Variants in SLC30A6 observed in about 807,000 individuals in gnomAD.
SLC30A6 encodes the protein solute carrier family 30 member 6, also known as zinc transporter 6.
Under a neutral mutation model 63.0 loss-of-function variants are expected in SLC30A6, and 55 were observed. The ratio of observed to expected loss-of-function variants is 0.87; its 90% CI spans 0.70 to 1.09. The LOEUF (loss-of-function observed/expected upper bound fraction) is 1.09, where lower values mean the gene tolerates loss of function less well. Among genes scored for constraint, SLC30A6 ranks in the 50% least tolerant of loss-of-function variants. The pLI is 0.00. For synonymous variants in SLC30A6, 224 were observed against 186.1 expected (o/e 1.20, Z -1.66); for missense variants, 587 against 549.2 (o/e 1.07, Z -0.69).
At chr2:32,180,734 A>G (rs1016667447) in intron 4 of SLC30A6, among the ~76,000 whole-genome samples, 7 of 152,362 alleles carry the variant, frequency 4.6e-5, no homozygotes, top group African/African-American at 1.4e-4. Context: ...CGCTCAGCCC[A>G]TGCATGTACT....
intron 12 of SLC30A6, among the ~76,000 whole-genome samples, chr2:32,208,023 G>A (rs1684931313): frequency 6.6e-6 from 1 of 150,512 alleles, no homozygotes; most frequent in South Asian, 2.1e-4. Context: ...TAGTAGAGAC[G>A]GGGTTTCACC....
At chr2:32,211,190 C>T (rs1326026854) in intron 13 of SLC30A6, among the ~76,000 whole-genome samples, 1 of 152,196 alleles carries the variant, frequency 6.6e-6, no homozygotes, top group Non-Finnish European at 1.5e-5. Flanking sequence ...TGGCTCATTG[C>T]CTGGCCTTCA....
At chr2:32,204,093 T>C in intron 10 of SLC30A6, 1 of 486,302 alleles carries the variant, frequency 2.1e-6, no homozygotes, top group Non-Finnish European at 3.7e-6. Flanking sequence ...AGTTGAGGTA[T>C]GTGTCTGCTA....
At chr2:32,219,534 A>T (rs1685986246) in intron 13 of SLC30A6, among the ~76,000 whole-genome samples, 1 of 152,128 alleles carries the variant, frequency 6.6e-6, no homozygotes, top group African/African-American at 2.4e-5. Context: ...TCCTGGGTTC[A>T]AGCTGTTCTC....
At chr2:32,169,720 G>A (rs1008461494) in intron 1 of SLC30A6, among the ~76,000 whole-genome samples, 5 of 152,186 alleles carry the variant, frequency 3.3e-5, no homozygotes, top group African/African-American at 1.2e-4. Context: ...TGTTTGCCGT[G>A]TAGCCTATAT....
Position 32,222,286 on chromosome 2 carries a change from A to G in SLC30A6, c.*1573A>G, listed in dbSNP as rs781379209. 6.6e-6 allele frequency: 1 copy of G among 152,186 alleles called. No homozygotes were observed. The highest frequency in any genetic ancestry group is 1.5e-5 in the Non-Finnish European group (1 of 68,030). The allele number at this position is 152,186 out of a possible 1,614,324, so 9.4% of individuals were successfully genotyped here. A position where few individuals can be genotyped will look rare whatever the true frequency, so the allele number is the denominator to read the frequency against. On this transcript the variant is annotated 3_prime_UTR_variant, in exon 14 of 14. Transcript: ENST00000282587. ...ATTGTTTTATTTTATTATGCATTCC[A>G]TAACAGTTTTAAAATGGGATTTTGA...
chr2:32,168,725 G>A (rs929377168), intron 1 of SLC30A6, among the ~76,000 whole-genome samples: 4 of 152,134 alleles, frequency 2.6e-5, no homozygotes, highest in African/African-American at 7.2e-5. Context: ...GCCTTTTCAC[G>A]CAAGAGTGGT....
At position 32,176,703 on chromosome 2, in the gene SLC30A6, A is replaced by G. The variant is rs984266682; in HGVS notation, c.218+1342A>G. Reference sequence around the variant, plus strand: ...TGAGATACTATAATTCATATGCCTTAAAATGACTTTTAGTCTCTTCATACA... The same window carrying G: ...TGAGATACTATAATTCATATGCCTTGAAATGACTTTTAGTCTCTTCATACA... On this transcript the variant is annotated intron_variant, in intron 4 of 13. Transcript: ENST00000282587. Among the ~76,000 whole-genome samples, 8 of 152,208 alleles carry G rather than the reference A, an allele frequency of 5.3e-5. No individual in the cohort carries two copies. The South Asian group carries it at 1.7e-3, about 32-fold the overall frequency.
Position 32,196,264 on chromosome 2 carries a change from G to A in SLC30A6, c.497-1080G>A, listed in dbSNP as rs544141899. On this transcript the variant is annotated intron_variant, in intron 8 of 13. Transcript: ENST00000282587. ...CGGTAGGCGGAGGTTGCAGTGAGCCGAGATCACGTCATTGCACTCCTGCCT... is the reference window on the plus strand; with the variant it reads ...CGGTAGGCGGAGGTTGCAGTGAGCCAAGATCACGTCATTGCACTCCTGCCT... Among the ~76,000 whole-genome samples the A allele has an allele frequency of 1.2e-4, 18 of 151,988 alleles. No homozygotes were observed. In the South Asian group the frequency reaches 2.7e-3, roughly 23 times the overall value.
intron 5 of SLC30A6, among the ~76,000 whole-genome samples, chr2:32,189,430 TACAGGCATGCACCA>T (rs771056704): frequency 1.1e-4 from 17 of 151,726 alleles, no homozygotes; most frequent in Non-Finnish European, 1.6e-4. Context: ...TAGCTGGGAC[TACAGGCATGCACCA>T]ACATGCCTAA....
chr2:32,177,259 A>G (rs1681838370), intron 4 of SLC30A6, among the ~76,000 whole-genome samples: 1 of 152,030 alleles, frequency 6.6e-6, no homozygotes, highest in South Asian at 2.1e-4. Context: ...ACAGTCCTTT[A>G]TGACTGTCTT....
rs527757537 is a variant in SLC30A6, at chr2:32,167,591, C to T, written c.3+1688C>T. On this transcript the variant is annotated intron_variant, in intron 1 of 13. Transcript: ENST00000282587. ...CTTAATTATTTTTCATGAACCTTTC[C>T]CTCATGTTCCAGTATCCTCTTAGTT... Among the ~76,000 whole-genome samples the T allele has an allele frequency of 6.9e-4, 105 of 152,026 alleles. 3 individuals carry two copies. The highest frequency in any genetic ancestry group is 1.6e-4 in the Non-Finnish European group (11 of 68,012).
chr2:32,192,814 T>C, intron 6 of SLC30A6, 104 bp from the exon 7 acceptor site: 1 of 671,118 alleles, frequency 1.5e-6, no homozygotes, highest in South Asian at 2.8e-5. Context: ...AGTTATAATA[T>C]TAAAAGATTT....
In SLC30A6 at chr2:32,223,269, A is replaced by G. The variant is rs549195079; in HGVS notation, c.*2556A>G. 2 of 152,362 alleles carry G rather than the reference A, an allele frequency of 1.3e-5. No homozygotes were observed. The highest frequency in any genetic ancestry group is 2.1e-4 in the South Asian group (1 of 4,834). The allele number at this position is 152,362 out of a possible 1,614,324, so 9.4% of individuals were successfully genotyped here. A position where few individuals can be genotyped will look rare whatever the true frequency, so the allele number is the denominator to read the frequency against. ...GAAGCTAGACAGAGAAAGAAGTTCA[A>G]TTTAAATATTTGTCCCATTGTTTGT... On this transcript the variant is annotated 3_prime_UTR_variant, in exon 14 of 14. Coordinates refer to ENST00000282587, the MANE Select transcript of SLC30A6 (RefSeq NM_017964.5).
chr2:32,203,895 TAGAC>T (rs925555981), intron 10 of SLC30A6: 30 of 923,788 alleles, frequency 3.2e-5, no homozygotes, highest in Middle Eastern at 2.1e-4. Context: ...GCCGGTCAGT[TAGAC>T]AGAGTCCACA....
chr2:32,217,242 T>C (rs1685791489), intron 13 of SLC30A6, among the ~76,000 whole-genome samples: 1 of 152,188 alleles, frequency 6.6e-6, no homozygotes, highest in Non-Finnish European at 1.5e-5. Context: ...AGTTAATCTT[T>C]TTATATGGTG....
intron 6 of SLC30A6, 137 bp from the exon 7 acceptor site, chr2:32,192,781 C>A: frequency 3.8e-6 from 2 of 529,172 alleles, no homozygotes; most frequent in South Asian, 3.9e-5. Context: ...AGTCTCCTTG[C>A]CTCATCACTG....
In SLC30A6 at chr2:32,221,055, G is replaced by A. The variant is rs564498392; in HGVS notation, c.*342G>A. On this transcript the variant is annotated 3_prime_UTR_variant, in exon 14 of 14. Coordinates refer to ENST00000282587, the MANE Select transcript of SLC30A6 (RefSeq NM_017964.5). Reference sequence around the variant, plus strand: ...TAGATCTGTCACATTACTAAGATACGATATTTCTTTTTTTTTCCGAGACGG... The same window carrying A: ...TAGATCTGTCACATTACTAAGATACAATATTTCTTTTTTTTTCCGAGACGG... 9.3e-5 allele frequency: 20 copies of A among 215,548 alleles called. No individual in the cohort carries two copies. The highest frequency in any genetic ancestry group is 4.2e-4 in the Admixed American group (8 of 19,238). 13.4% of individuals were successfully genotyped at this position (215,548 alleles called of 1,614,324 possible).
chr2:32,176,691 T>C (rs536505197), intron 4 of SLC30A6, among the ~76,000 whole-genome samples: 69 of 152,080 alleles, frequency 4.5e-4, no homozygotes, highest in Non-Finnish European at 9.1e-4. Context: ...GATACTATAA[T>C]TCATATGCCT....
Sources: gnomAD v4.1 joint callset for allele counts (sites outside exome capture counted in the v4.1 genomes callset) on GRCh38, gnomAD v4.1.1 for gene constraint, MANE v1.5 for transcripts, NCBI Gene and HGNC (gene_info 2026-07-23, HGNC 2026-07-21) for gene names.